Variants in U2SURP observed in about 807,000 individuals in gnomAD.
U2SURP encodes U2 snRNP-associated SURP motif-containing protein.
In U2SURP, 9 loss-of-function variants were observed where a neutral mutation model predicts 144.9. The observed-to-expected ratio is 0.06, with a 90% CI of 0.04 to 0.11. The LOEUF is 0.11. Ranked by LOEUF, U2SURP falls within the 10% of genes least tolerant of loss-of-function variation. The probability of loss-of-function intolerance (pLI) is 1.00; values close to 1 mark genes in which losing one functional copy is unlikely to be tolerated. For synonymous variants in U2SURP, 408 were observed against 396.8 expected, an observed-to-expected ratio of 1.03 and a Z score of -0.33; for missense variants, 724 against 1,226.7, an observed-to-expected ratio of 0.59 and a Z score of 6.12.
At chr3:143,006,940 AG>A (rs1392877087) in intron 1 of U2SURP, among the ~76,000 whole-genome samples, 5 of 152,236 alleles carry the variant, frequency 3.3e-5, no homozygotes, top group Non-Finnish European at 7.3e-5. Context: ...CTCACTAGGC[AG>A]AATGGTAGTG....
At chr3:143,049,265 C>CAAAAAA (rs200930787) in intron 24 of U2SURP, among the ~76,000 whole-genome samples, 12 of 81,520 alleles carry the variant, frequency 1.5e-4, no homozygotes, top group Admixed American at 4.2e-4. Context: ...GACTCCATCT[C>CAAAAAA]AAAAAAAAAA....
In U2SURP at chr3:143,021,355, G is replaced by C; in HGVS notation, c.739G>C (p.Ala247Pro). 6.3e-7 allele frequency: 1 copy of C among 1,595,782 alleles called. No individual in the cohort carries two copies. The highest frequency in any genetic ancestry group is 8.5e-7 in the Non-Finnish European group (1 of 1,169,856). Residue 247 changes from alanine (A) to proline (P), a missense_variant, in exon 9 of 28, where the codon GCG becomes CCG. Physicochemically the swap from Ala to Pro is conservative, Grantham distance 27. Coordinates refer to ENST00000473835, the MANE Select transcript of U2SURP (RefSeq NM_001080415.2). ...CTTCTTTTCTCCCCTTTAAGTGGAC[G>C]CGCCTTCAAGAAGAAATAGATCATC... ...DSDGQRRSMD[A>P]PSRRNRSSGV...
At position 143,027,034 on chromosome 3, in the gene U2SURP, C is replaced by A. The variant is rs557556728; in HGVS notation, c.1275-115C>A. 4 of 770,286 alleles carry A rather than the reference C, an allele frequency of 5.2e-6. No homozygotes were observed. In the South Asian group the frequency reaches 7.2e-5, roughly 14 times the overall value. The allele number at this position is 770,286 out of a possible 1,614,324, so 47.7% of individuals were successfully genotyped here. A position where few individuals can be genotyped will look rare whatever the true frequency, so the allele number is the denominator to read the frequency against. ...CAGGTTACTTTTTTGGTATTAAATT[C>A]GGTGTTAGTCAGCAGAATAATCATT... On this transcript the variant is annotated intron_variant, in intron 13 of 27. Transcript: ENST00000473835.
Position 143,001,670 on chromosome 3 carries a change from A to T in U2SURP, c.42A>T (p.Ser14=). 6.2e-7 allele frequency: 1 copy of T among 1,613,962 alleles called. No homozygotes were observed. The highest frequency in any genetic ancestry group is 2.2e-5 in the East Asian group (1 of 44,874). The change falls in exon 1 of 28, where the codon TCA becomes TCT. Residue 14 remains serine (S), a synonymous_variant. Coordinates refer to ENST00000473835, the MANE Select transcript of U2SURP (RefSeq NM_001080415.2). ...CAGGCGGATCTCAGAAGGCCAGTTCAAAGGTAATTTCTGACAAAATTTCGT... is the reference window on the plus strand; with the variant it reads ...CAGGCGGATCTCAGAAGGCCAGTTCTAAGGTAATTTCTGACAAAATTTCGT... ...KTPGGSQKAS[S]KTRSSDVHSS... is the part of the protein sequence containing the mutation.
chr3:143,010,690 C>G (rs924245917), intron 1 of U2SURP, 125 bp from the exon 2 acceptor site: 1 of 538,354 alleles, frequency 1.9e-6, no homozygotes, highest in African/African-American at 1.9e-5. Flanking sequence ...TGCCTTTGCT[C>G]AGTTTTATTA....
At chr3:143,034,551 GT>G (rs373883628) in intron 18 of U2SURP, 4,320 of 162,954 alleles carry the variant, frequency 0.027, 73 homozygotes, top group African/African-American at 0.056. Flanking sequence ...TCTGCTATTA[GT>G]TTTTTTGCCT....
intron 24 of U2SURP, among the ~76,000 whole-genome samples, chr3:143,046,800 T>C (rs1465896724): frequency 8.8e-4 from 113 of 128,952 alleles, no homozygotes; most frequent in African/African-American, 3.6e-3. Context: ...AAACCGCCAT[T>C]GTCATCATGG....
intron 1 of U2SURP, among the ~76,000 whole-genome samples, chr3:143,006,502 T>C (rs1363781604): frequency 6.6e-6 from 1 of 152,170 alleles, no homozygotes; most frequent in Non-Finnish European, 1.5e-5. Flanking sequence ...CCGCCTGTAA[T>C]CCCAGCACTT....
intron 1 of U2SURP, among the ~76,000 whole-genome samples, chr3:143,005,021 T>G (rs1296614199): frequency 6.6e-6 from 1 of 152,216 alleles, no homozygotes; most frequent in Non-Finnish European, 1.5e-5. Flanking sequence ...GTTTGCTTAC[T>G]CAGCAAAATT....
rs1011182279 is a variant in U2SURP at position 143,057,984 on chromosome 3, G to T, written c.*1534G>T. 6.6e-6 allele frequency: 1 copy of T among 152,240 alleles called. No individual in the cohort carries two copies. Among genetic ancestry groups the T allele is most frequent in the Non-Finnish European group, 1.5e-5 (1 of 67,810 alleles). 9.4% of individuals were successfully genotyped at this position (152,240 alleles called of 1,614,324 possible). A position where few individuals can be genotyped will look rare whatever the true frequency, so the allele number is the denominator to read the frequency against. On this transcript the variant is annotated 3_prime_UTR_variant, in exon 28 of 28. Coordinates refer to ENST00000473835, the MANE Select transcript of U2SURP (RefSeq NM_001080415.2). ...TGGTTCTTATCAGCATGCAAATATTGCTTGAAAGTTATTTCCTTATTCACT... is the reference window on the plus strand; with the variant it reads ...TGGTTCTTATCAGCATGCAAATATTTCTTGAAAGTTATTTCCTTATTCACT...
chr3:143,046,753 A>T (rs1934484550), intron 24 of U2SURP, among the ~76,000 whole-genome samples: 2 of 124,276 alleles, frequency 1.6e-5, no homozygotes, highest in South Asian at 5.4e-4. Flanking sequence ...CCGATTTCTC[A>T]ATCTTTTCCC....
chr3:143,026,376 A>G lies in U2SURP; in HGVS notation c.1275-773A>G, dbSNP rs750635906. On this transcript the variant is annotated intron_variant, in intron 13 of 27. Coordinates refer to ENST00000473835, the MANE Select transcript of U2SURP (RefSeq NM_001080415.2). ...TGTACCCCATTTTGCAATATTTTGG[A>G]AAGAGTAGTACTCCATTCACTTAAG... 5 of 152,318 alleles carry G rather than the reference A, an allele frequency of 3.3e-5. No homozygotes were observed. The East Asian group carries it at 9.6e-4, about 29-fold the overall frequency. The allele number at this position is 152,318 out of a possible 1,614,324, so 9.4% of individuals were successfully genotyped here. A position where few individuals can be genotyped will look rare whatever the true frequency, so the allele number is the denominator to read the frequency against.
At chr3:143,010,975 CT>C in intron 2 of U2SURP, 116 bp downstream of exon 2, 1 of 697,888 alleles carries the variant, frequency 1.4e-6, no homozygotes, top group Non-Finnish European at 2.1e-6. Context: ...GTGCTTTTTT[CT>C]TTTACTCTTT....
At chr3:143,017,444 G>A (rs537451461) in intron 6 of U2SURP, 1 of 152,102 alleles carries the variant, frequency 6.6e-6, no homozygotes, top group South Asian at 2.1e-4. Context: ...TGAGGGTTTA[G>A]TTTTTATGGG....
rs1301908368 is a variant in U2SURP at position 143,027,159 on chromosome 3, G to A, written c.1285G>A (p.Ala429Thr). The A allele has an allele frequency of 1.2e-6, 2 of 1,612,110 alleles. No individual in the cohort carries two copies. Among genetic ancestry groups the A allele is most frequent in the Non-Finnish European group, 1.7e-6 (2 of 1,178,614 alleles). ...VVIPTERNLL[A>T]LIHRMIEFVV... The stretch of plus-strand genomic sequence containing the variant: ...GTGTTGTTGTTGTAGGAATTTGCTC[G>A]CCCTGATACATCGAATGATAGAGTT... The change falls in exon 14 of 28, where the codon GCC becomes ACC. Residue 429 changes from alanine to threonine, a missense_variant. Around this residue, in one of 13 missense-constraint regions of U2SURP, gnomAD observed 64 missense variants for 164.1 expected, o/e 0.39. Transcript: ENST00000473835.
chr3:143,037,649 A>G (rs1933884848), intron 21 of U2SURP, among the ~76,000 whole-genome samples: 1 of 152,092 alleles, frequency 6.6e-6, no homozygotes. Flanking sequence ...TCTTGTGCTC[A>G]GTTATGCATG....
chr3:143,049,303 A>G (rs929933078), intron 24 of U2SURP, among the ~76,000 whole-genome samples: 1 of 148,454 alleles, frequency 6.7e-6, no homozygotes, highest in Non-Finnish European at 1.5e-5. Flanking sequence ...GAAAGAAAAT[A>G]CCACTTGGAA....
intron 5 of U2SURP, 47 bp downstream of exon 5, chr3:143,016,418 GT>G (rs746403975): frequency 1.3e-6 from 2 of 1,513,790 alleles, no homozygotes; most frequent in East Asian, 2.3e-5. Context: ...CTGTATTACA[GT>G]TTTTGAGCGA....
chr3:143,037,416 G>C (rs1235082894), intron 21 of U2SURP, 81 bp downstream of exon 21: 7 of 1,329,458 alleles, frequency 5.3e-6, no homozygotes, highest in Non-Finnish European at 7.3e-6. Flanking sequence ...TGCTGATATG[G>C]AAAAAGGTTA....
Sources: allele counts gnomAD v4.1 joint callset (sites outside exome capture counted in the v4.1 genomes callset), GRCh38; gene constraint gnomAD v4.1.1; regional missense constraint gnomAD v4.1.1; transcripts MANE v1.5; gene names NCBI Gene and HGNC (gene_info 2026-07-23, HGNC 2026-07-21).